The following WAPL variants were observed in gnomAD, a reference collection of about 807,000 sequenced individuals.
WAPL encodes the protein WAPL cohesin release factor, also known as wings apart-like protein homolog.
WAPL carries 5 observed loss-of-function variants against 121.0 expected under a neutral mutation model. The ratio of observed to expected loss-of-function variants is 0.04; its 90% CI spans 0.02 to 0.09. The LOEUF is 0.09. Among genes scored for constraint, WAPL ranks in the 10% least tolerant of loss-of-function variants. The pLI, the probability that WAPL is intolerant of heterozygous loss-of-function variation, is 1.00. For missense variants in WAPL, 999 were observed against 1,410.8 expected (o/e 0.71, Z 4.68); for synonymous variants, 480 against 481.5 (o/e 1.00, Z 0.04).
At chr10:86,474,858 G>C (rs1247669430) in intron 4 of WAPL, among the ~76,000 whole-genome samples, 1 of 152,212 alleles carries the variant, frequency 6.6e-6, no homozygotes, top group East Asian at 1.9e-4. Context: ...GTTTATGACA[G>C]ACAATGCGCT....
At chr10:86,491,171 G>A (rs181592228) in intron 4 of WAPL, among the ~76,000 whole-genome samples, 159 of 107,898 alleles carry the variant, frequency 1.5e-3, no homozygotes, top group African/African-American at 4.7e-3. Flanking sequence ...ACGGAGTCTC[G>A]CTCTGTTGCC....
In WAPL at chr10:86,517,700, C is replaced by A. The variant is rs10887621; in HGVS notation, c.370G>T (p.Val124Phe). 6.3e-4 allele frequency: 1,010 copies of A among 1,614,014 alleles called. 2 individuals are homozygous for A. The highest frequency in any genetic ancestry group is 5.9e-3 in the Middle Eastern group (36 of 6,060). ...TTATCAGAAACGACAGTGTCTTCAACGACCACATGACTAATTTTGCTATTA... is the reference window on the plus strand; with the variant it reads ...TTATCAGAAACGACAGTGTCTTCAAAGACCACATGACTAATTTTGCTATTA... ...EANSKISHVVVEDTVVSDKCF... is the reference protein window; with the variant it reads ...EANSKISHVVFEDTVVSDKCF... The change falls in exon 2 of 19, where the codon GTT becomes TTT. Residue 124 changes from valine (V) to phenylalanine (F), a missense_variant. Transcript: ENST00000298767.
chr10:86,465,623 T>C (rs374165638), intron 9 of WAPL, among the ~76,000 whole-genome samples: 2 of 152,200 alleles, frequency 1.3e-5, no homozygotes, highest in African/African-American at 4.8e-5. Context: ...ACAACCTTGA[T>C]GTACACTGCA....
At chr10:86,480,865 A>G (rs1468982213) in intron 4 of WAPL, among the ~76,000 whole-genome samples, 1 of 152,144 alleles carries the variant, frequency 6.6e-6, no homozygotes, top group East Asian at 1.9e-4. Context: ...ATCTTAATCA[A>G]TAGTCCAGAA....
intron 4 of WAPL, among the ~76,000 whole-genome samples, chr10:86,491,574 TGACTCCATG>T (rs1044053330): frequency 2.6e-5 from 4 of 152,122 alleles, no homozygotes; most frequent in Non-Finnish European, 5.9e-5. Flanking sequence ...GAAAAACACA[TGACTCCATG>T]ACTTAAAACA....
intron 3 of WAPL, 78 bp downstream of exon 3, chr10:86,499,640 T>C: frequency 7.0e-7 from 1 of 1,436,250 alleles, no homozygotes; most frequent in Non-Finnish European, 9.3e-7. Flanking sequence ...TGACCTTGGG[T>C]AATTGAAACC....
intron 17 of WAPL, among the ~76,000 whole-genome samples, chr10:86,442,916 G>A (rs1381613578): frequency 2.0e-5 from 3 of 151,828 alleles, no homozygotes; most frequent in Non-Finnish European, 2.9e-5. Flanking sequence ...GGTGGCAGGC[G>A]CCTGTAGTCC....
chr10:86,467,202 G>C, intron 9 of WAPL, 77 bp downstream of exon 9: 4 of 1,343,212 alleles, frequency 3.0e-6, no homozygotes, highest in South Asian at 1.3e-5. Context: ...TTTGCCCACA[G>C]TCACACAGCT....
In WAPL at chr10:86,472,871, T is replaced by TA; in HGVS notation, c.1741-108dup. The TA allele has an allele frequency of 8.1e-7, 1 of 1,231,242 alleles. No individual in the cohort carries two copies. The highest frequency in any genetic ancestry group is 1.1e-6 in the Non-Finnish European group (1 of 918,206). The allele number at this position is 1,231,242 out of a possible 1,614,324, so 76.3% of individuals were successfully genotyped here. Reference sequence around the variant, plus strand: ...TCAAAAAAAAGTAAATAAAGCTTTTTAAAAAGCAGGGAGCAGGGAGGCCTC... The same window carrying TA: ...TCAAAAAAAAGTAAATAAAGCTTTTTAAAAAAGCAGGGAGCAGGGAGGCCTC... On this transcript the variant is annotated intron_variant, in intron 5 of 18. Transcript: ENST00000298767. This position sits in a 1 kb window ranked among gnomAD's most constrained non-coding sequence, Gnocchi z 4.2.
rs960772422 is a variant in WAPL at position 86,521,531 on chromosome 10, G to C, written c.-189C>G. On this transcript the variant is annotated 5_prime_UTR_variant, in exon 1 of 19. Coordinates refer to ENST00000298767, the MANE Select transcript of WAPL (RefSeq NM_015045.5). ...GGTAAATAGGAAGCCCGGTTGGGGG[G>C]GCAGGAGCGGCGGCCCCGCAACTTC... 2.4e-5 allele frequency: 9 copies of C among 370,642 alleles called. No homozygotes were observed. The highest frequency in any genetic ancestry group is 6.9e-5 in the African/African-American group (3 of 43,618). The allele number at this position is 370,642 out of a possible 1,614,324, so 23.0% of individuals were successfully genotyped here. A position where few individuals can be genotyped will look rare whatever the true frequency, so the allele number is the denominator to read the frequency against.
rs994349575 is a variant in WAPL at position 86,521,526 on chromosome 10, G to T, written c.-184C>A. 5 of 365,252 alleles carry T rather than the reference G, an allele frequency of 1.4e-5. No homozygotes were observed. Among genetic ancestry groups the T allele is most frequent in the African/African-American group, 2.3e-5 (1 of 43,374 alleles). The allele number at this position is 365,252 out of a possible 1,614,324, so 22.6% of individuals were successfully genotyped here. A position where few individuals can be genotyped will look rare whatever the true frequency, so the allele number is the denominator to read the frequency against. ...CTTTCGGTAAATAGGAAGCCCGGTT[G>T]GGGGGGCAGGAGCGGCGGCCCCGCA... is the stretch of plus-strand genomic sequence containing the variant. On this transcript the variant is annotated 5_prime_UTR_variant, in exon 1 of 19. Transcript: ENST00000298767.
rs1002367151 is a variant in WAPL at position 86,492,515 on chromosome 10, G to A, written c.1644+4686C>T. Among the ~76,000 whole-genome samples the A allele has an allele frequency of 2.6e-5, 4 of 152,138 alleles. No homozygotes were observed. The South Asian group carries it at 8.3e-4, about 31-fold the overall frequency. ...AACCTTAACTAGGTGGTCAAACAAT[G>A]CTAAGAGTGGAGTAACCAGGTATCA... On this transcript the variant is annotated intron_variant, in intron 4 of 18. Transcript: ENST00000298767.
intron 2 of WAPL, among the ~76,000 whole-genome samples, chr10:86,503,919 C>T (rs1426269882): frequency 6.6e-6 from 1 of 152,168 alleles, no homozygotes; most frequent in East Asian, 1.9e-4. Flanking sequence ...CCTATAATGC[C>T]GGCTCTTTGG....
At chr10:86,506,639 A>C (rs982102092) in intron 2 of WAPL, among the ~76,000 whole-genome samples, 2 of 152,138 alleles carry the variant, frequency 1.3e-5, no homozygotes, top group African/African-American at 4.8e-5. Flanking sequence ...AAATTTTGAA[A>C]ATCAGCCAGG....
chr10:86,500,533 A>G lies in WAPL; in HGVS notation c.710T>C (p.Phe237Ser), dbSNP rs147348119. ...ATCTTCAAAATCATTATCCCATTCA[A>G]ACAAACCAGTTCTAACAGATCCCTT... ...PIKGSVRTGL[F>S]EWDNDFEDIR... is the part of the protein sequence containing the mutation. Residue 237 changes from phenylalanine (F) to serine (S), a missense_variant, in exon 3 of 19, where the codon TTT (phenylalanine) becomes TCT (serine). This residue lies in a region of WAPL where 531 missense variants were observed against 563.1 expected (regional missense o/e 0.94). Coordinates refer to ENST00000298767, the MANE Select transcript of WAPL (RefSeq NM_015045.5). 6.8e-6 allele frequency: 11 copies of G among 1,613,978 alleles called. No homozygotes were observed. The African/African-American group carries it at 1.5e-4, about 22-fold the overall frequency.
chr10:86,513,816 G>A (rs1053891961), intron 2 of WAPL, among the ~76,000 whole-genome samples: 6 of 152,152 alleles, frequency 3.9e-5, no homozygotes, highest in South Asian at 2.1e-4. Context: ...TAGTATGAAC[G>A]AGAAGGACAC....
chr10:86,514,711 A>C (rs1170030602), intron 2 of WAPL, among the ~76,000 whole-genome samples: 1 of 152,208 alleles, frequency 6.6e-6, no homozygotes. Context: ...TTTAACATAA[A>C]GATATATTGT....
intron 14 of WAPL, 64 bp downstream of exon 14, chr10:86,453,156 G>C (rs989281571): frequency 4.8e-6 from 7 of 1,463,716 alleles, no homozygotes; most frequent in Non-Finnish European, 6.6e-6. Context: ...CCCAAACTAA[G>C]GTTAACATTT....
At chr10:86,506,357 A>G (rs1842348259) in intron 2 of WAPL, among the ~76,000 whole-genome samples, 1 of 152,260 alleles carries the variant, frequency 6.6e-6, no homozygotes, top group Admixed American at 6.5e-5. Context: ...TAATGGTTAC[A>G]GGAGTGTTCC....
Sources: gnomAD v4.1 joint callset for allele counts (sites outside exome capture counted in the v4.1 genomes callset) on GRCh38, gnomAD v4.1.1 for gene constraint, gnomAD v4.1.1 regional missense constraint, Gnocchi (gnomAD v3.1) non-coding constraint, MANE v1.5 for transcripts, NCBI Gene and HGNC (gene_info 2026-07-23, HGNC 2026-07-21) for gene names.